The following NCKAP5 variants were observed in gnomAD, a reference collection of about 807,000 sequenced individuals.
The protein encoded by NCKAP5 is NCK associated protein 5, also known as nck-associated protein 5.
In NCKAP5, 92 loss-of-function variants were observed where a neutral mutation model predicts 167.0. That is an observed-to-expected ratio of 0.55 (90% CI 0.47 to 0.66). The LOEUF (loss-of-function observed/expected upper bound fraction) is 0.66, where lower values mean the gene tolerates loss of function less well. NCKAP5 is among the 30% of genes least tolerant of loss of function. The probability of loss-of-function intolerance (pLI) is 0.00; values close to 1 mark genes in which losing one functional copy is unlikely to be tolerated. For missense variants in NCKAP5, 2,378 were observed against 2,315.0 expected, an observed-to-expected ratio of 1.03 and a Z score of -0.56; for synonymous variants, 891 against 877.4, an observed-to-expected ratio of 1.02 and a Z score of -0.27.
intron 3 of NCKAP5, among the ~76,000 whole-genome samples, chr2:133,332,727 T>C (rs932266459): frequency 1.3e-5 from 2 of 151,870 alleles, no homozygotes; most frequent in African/African-American, 2.4e-5. Context: ...GAAAAAAAAA[T>C]AATAATAAGT....
chr2:133,488,594 G>A (rs1681129939), intron 3 of NCKAP5, among the ~76,000 whole-genome samples: 1 of 152,132 alleles, frequency 6.6e-6, no homozygotes, highest in African/African-American at 2.4e-5. Context: ...GGCACTTTGG[G>A]AGGCAAGGCA....
At chr2:132,926,756 T>C (rs1471010156) in intron 8 of NCKAP5, among the ~76,000 whole-genome samples, 2 of 152,206 alleles carry the variant, frequency 1.3e-5, no homozygotes, top group Non-Finnish European at 2.9e-5. Flanking sequence ...GTTGAGTTCC[T>C]TGTAAATTCT....
intron 5 of NCKAP5, among the ~76,000 whole-genome samples, chr2:133,187,754 T>C (rs1004692611): frequency 3.9e-5 from 6 of 152,058 alleles, no homozygotes; most frequent in Non-Finnish European, 7.4e-5. Context: ...TCTCTTTTGA[T>C]CTTTGTTGGT....
chr2:133,427,313 A>G (rs1256536432), intron 3 of NCKAP5, among the ~76,000 whole-genome samples: 1 of 152,210 alleles, frequency 6.6e-6, no homozygotes, highest in African/African-American at 2.4e-5. Flanking sequence ...GTATTTTTTA[A>G]GCAAAACATT....
At chr2:132,998,642 CCAAAAAT>C (rs1433640974) in intron 6 of NCKAP5, among the ~76,000 whole-genome samples, 4 of 151,996 alleles carry the variant, frequency 2.6e-5, no homozygotes, top group African/African-American at 9.7e-5. Context: ...CTCTATTTTC[CCAAAAAT>C]CAAAAATCAA....
chr2:132,711,671 A>G (rs1688855863), intron 19 of NCKAP5, among the ~76,000 whole-genome samples: 2 of 152,096 alleles, frequency 1.3e-5, no homozygotes, highest in Non-Finnish European at 2.9e-5. Flanking sequence ...ATCCATAAAT[A>G]TCCTATTTTC....
intron 19 of NCKAP5, among the ~76,000 whole-genome samples, chr2:132,721,481 AGGGGTG>A (rs746812583): frequency 2.6e-5 from 4 of 152,170 alleles, no homozygotes; most frequent in Non-Finnish European, 2.9e-5. Flanking sequence ...AAGGGACTCC[AGGGGTG>A]GGACGGCCAA....
intron 16 of NCKAP5, among the ~76,000 whole-genome samples, chr2:132,746,687 C>T (rs1441811539): frequency 6.6e-6 from 1 of 152,110 alleles, no homozygotes; most frequent in Non-Finnish European, 1.5e-5. Context: ...AGCAGCTTTA[C>T]ACATAATAGC....
chr2:133,520,108 T>C (rs537138859), intron 2 of NCKAP5, among the ~76,000 whole-genome samples: 4 of 152,302 alleles, frequency 2.6e-5, no homozygotes, highest in African/African-American at 9.6e-5. Flanking sequence ...GGAGAATTGC[T>C]TGAACCTAGG....
chr2:133,642,273 A>C, the NCKAP5 span, among the ~76,000 whole-genome samples: 1 of 152,160 alleles, frequency 6.6e-6, no homozygotes, highest in Non-Finnish European at 1.5e-5. Flanking sequence ...AACACCCCCC[A>C]GTAGGCACCA....
intron 6 of NCKAP5, among the ~76,000 whole-genome samples, chr2:133,002,857 C>A (rs1463249623): frequency 6.6e-6 from 1 of 152,160 alleles, no homozygotes; most frequent in Non-Finnish European, 1.5e-5. Context: ...TACCCTTGTT[C>A]ATTCCCTGCA....
intron 3 of NCKAP5, among the ~76,000 whole-genome samples, chr2:133,340,433 C>T (rs1310062625): frequency 6.6e-6 from 1 of 152,188 alleles, no homozygotes; most frequent in Non-Finnish European, 1.5e-5. Context: ...ACTTAGCCTT[C>T]TTTTCTTCCT....
At chr2:133,155,839 G>A (rs937967319) in intron 5 of NCKAP5, among the ~76,000 whole-genome samples, 3 of 152,170 alleles carry the variant, frequency 2.0e-5, no homozygotes, top group African/African-American at 7.2e-5. Flanking sequence ...GAACTACCCT[G>A]CAGATTTTGG....
At chr2:133,300,057 A>G (rs1408097809) in intron 4 of NCKAP5, among the ~76,000 whole-genome samples, 4 of 134,036 alleles carry the variant, frequency 3.0e-5, no homozygotes, top group Non-Finnish European at 6.3e-5. Flanking sequence ...CGACACATAC[A>G]CTCTCCCAAG....
intron 3 of NCKAP5, among the ~76,000 whole-genome samples, chr2:133,493,898 C>T (rs561267289): frequency 2.0e-5 from 3 of 152,284 alleles, no homozygotes; most frequent in East Asian, 3.9e-4. Flanking sequence ...CCAGCTGCTC[C>T]CTGGCTCTCC....
chr2:133,014,969 T>C (rs1247629614), intron 6 of NCKAP5, among the ~76,000 whole-genome samples: 2 of 152,252 alleles, frequency 1.3e-5, no homozygotes, highest in African/African-American at 4.8e-5. Context: ...TGGTTCAACC[T>C]AATAAACACA....
intron 8 of NCKAP5, among the ~76,000 whole-genome samples, chr2:132,934,649 C>T (rs1035243736): frequency 6.6e-6 from 1 of 151,946 alleles, no homozygotes; most frequent in African/African-American, 2.4e-5. Context: ...AGAAAAAAAA[C>T]CTTTTAAATC....
At chr2:132,789,988 C>A (rs764831074) in intron 13 of NCKAP5, 35 bp downstream of exon 13, 4 of 1,569,356 alleles carry the variant, frequency 2.5e-6, no homozygotes, top group Non-Finnish European at 3.5e-6. Flanking sequence ...GAAGAGGATT[C>A]TTTTCTGGTT....
chr2:133,536,864 G>T lies in NCKAP5; in HGVS notation c.-61-19277C>A, dbSNP rs112437144. On this transcript the variant is annotated intron_variant, in intron 2 of 19. Coordinates refer to ENST00000409261, the MANE Select transcript of NCKAP5 (RefSeq NM_207363.3). Reference sequence around the variant, plus strand: ...ATTGTTGCTTATGGTTTTGATGTCAGATCTGAAACTATTGCTTAATCCAAG... The same window carrying T: ...ATTGTTGCTTATGGTTTTGATGTCATATCTGAAACTATTGCTTAATCCAAG... 2.0e-3 allele frequency among the ~76,000 whole-genome samples: 305 copies of T among 151,862 alleles called. 2 individuals are homozygous for T. Among genetic ancestry groups the T allele is most frequent in the African/African-American group, 6.9e-3 (287 of 41,450 alleles).
Sources: gnomAD v4.1 joint callset for allele counts (sites outside exome capture counted in the v4.1 genomes callset) on GRCh38, gnomAD v4.1.1 for gene constraint, MANE v1.5 for transcripts, NCBI Gene and HGNC (gene_info 2026-07-23, HGNC 2026-07-21) for gene names.